RAP1A: variants seen among roughly 807,000 people sequenced by gnomAD.
RAP1A encodes ras-related protein Rap-1A.
A neutral mutation model predicts 26.4 loss-of-function variants in RAP1A; 6 were observed. That is an observed-to-expected ratio of 0.23 (90% CI 0.12 to 0.45). RAP1A has a LOEUF of 0.45. Among genes scored for constraint, RAP1A ranks in the 20% least tolerant of loss-of-function variants. The pLI is 0.99. For synonymous variants in RAP1A, 73 were observed against 79.4 expected, an observed-to-expected ratio of 0.92 and a Z score of 0.43; for missense variants, 121 against 217.2, an observed-to-expected ratio of 0.56 and a Z score of 2.78.
chr1:111,547,760 G>A (rs1657088664), intron 1 of RAP1A, among the ~76,000 whole-genome samples: 1 of 152,180 alleles, frequency 6.6e-6, no homozygotes, highest in Non-Finnish European at 1.5e-5. Flanking sequence ...TCACAAAATT[G>A]ACCTTGTTTG....
intron 1 of RAP1A, among the ~76,000 whole-genome samples, chr1:111,625,783 T>C (rs1330512435): frequency 6.6e-6 from 1 of 152,152 alleles, no homozygotes; most frequent in Non-Finnish European, 1.5e-5. Context: ...CTTCCTCTTC[T>C]TTTTTCTTTT....
chr1:111,595,692 G>T (rs1449574542), intron 1 of RAP1A, among the ~76,000 whole-genome samples: 1 of 152,210 alleles, frequency 6.6e-6, no homozygotes, highest in Non-Finnish European at 1.5e-5. Context: ...GGCAGCAAAA[G>T]CAGAGAGAGT....
intron 1 of RAP1A, among the ~76,000 whole-genome samples, chr1:111,664,428 C>T (rs1660741612): frequency 1.3e-5 from 2 of 149,804 alleles, no homozygotes; most frequent in African/African-American, 2.5e-5. Context: ...TGTACTAAGT[C>T]CTTTCCTCTC....
Position 111,686,038 on chromosome 1 carries a change from A to G in RAP1A, c.-27-5296A>G, listed in dbSNP as rs184498650. Reference sequence around the variant, plus strand: ...CTAACACAGGAACAGAAAACCAAACACCACATGTTCTCACTCATAAGTGGG... The same window carrying G: ...CTAACACAGGAACAGAAAACCAAACGCCACATGTTCTCACTCATAAGTGGG... On this transcript the variant is annotated intron_variant, in intron 1 of 7. Transcript: ENST00000369709. Among the ~76,000 whole-genome samples, 220 of 145,026 alleles carry G rather than the reference A, an allele frequency of 1.5e-3. 7 individuals are homozygous for G. In the East Asian group the frequency reaches 0.034, roughly 23 times the overall value.
At chr1:111,585,485 G>GAA (rs35379340) in intron 1 of RAP1A, among the ~76,000 whole-genome samples, 25 of 148,250 alleles carry the variant, frequency 1.7e-4, no homozygotes, top group Non-Finnish European at 2.7e-4. Flanking sequence ...CCTTCCAACA[G>GAA]AAAAAAAAAA....
chr1:111,644,166 A>G (rs549774824), intron 1 of RAP1A, among the ~76,000 whole-genome samples: 47 of 152,236 alleles, frequency 3.1e-4, no homozygotes, highest in Non-Finnish European at 5.6e-4. Flanking sequence ...GACATGTCCA[A>G]CTAACCGTTA....
chr1:111,654,898 G>A (rs931680049), intron 1 of RAP1A, among the ~76,000 whole-genome samples: 1 of 151,304 alleles, frequency 6.6e-6, no homozygotes, highest in African/African-American at 2.4e-5. Flanking sequence ...GGCTGAATGC[G>A]GTGGCTCACG....
At chr1:111,703,879 C>T (rs761871832) in intron 5 of RAP1A, among the ~76,000 whole-genome samples, 5 of 152,150 alleles carry the variant, frequency 3.3e-5, no homozygotes, top group Non-Finnish European at 5.9e-5. Flanking sequence ...TCACACATCA[C>T]AGTCTACCTC....
intron 1 of RAP1A, among the ~76,000 whole-genome samples, chr1:111,594,050 G>T (rs763481670): frequency 2.0e-5 from 3 of 152,156 alleles, no homozygotes; most frequent in Non-Finnish European, 4.4e-5. Context: ...GGATTTTTAA[G>T]CCTCCAGCAA....
At chr1:111,591,484 G>T (rs142631026) in intron 1 of RAP1A, among the ~76,000 whole-genome samples, 12 of 152,004 alleles carry the variant, frequency 7.9e-5, no homozygotes, top group Admixed American at 1.3e-4. Flanking sequence ...ATTTCTCTGC[G>T]TAAGTTTTGG....
chr1:111,581,286 A>T (rs1658252578), intron 1 of RAP1A, among the ~76,000 whole-genome samples: 1 of 152,172 alleles, frequency 6.6e-6, no homozygotes, highest in African/African-American at 2.4e-5. Context: ...AATAGTGGCT[A>T]AACATGAAGA....
At chr1:111,664,902 A>G (rs1199790759) in intron 1 of RAP1A, among the ~76,000 whole-genome samples, 3 of 152,216 alleles carry the variant, frequency 2.0e-5, no homozygotes, top group South Asian at 2.1e-4. Context: ...TGCCATTACT[A>G]TTGTTGTGTT....
At chr1:111,658,421 T>A (rs1660532814) in intron 1 of RAP1A, among the ~76,000 whole-genome samples, 1 of 152,196 alleles carries the variant, frequency 6.6e-6, no homozygotes, top group African/African-American at 2.4e-5. Context: ...CTTTATAAAC[T>A]TTTTGACTCC....
intron 1 of RAP1A, among the ~76,000 whole-genome samples, chr1:111,620,648 T>G (rs1004760146): frequency 6.6e-6 from 1 of 152,202 alleles, no homozygotes; most frequent in Non-Finnish European, 1.5e-5. Flanking sequence ...CCCGCCTTCT[T>G]TACCCTCATG....
At chr1:111,606,938 T>G (rs765029187) in intron 1 of RAP1A, among the ~76,000 whole-genome samples, 8 of 152,218 alleles carry the variant, frequency 5.3e-5, no homozygotes, top group Non-Finnish European at 1.0e-4. Context: ...TGTTTTTCTA[T>G]TTAATGATAT....
At chr1:111,635,905 G>A (rs1363070355) in intron 1 of RAP1A, among the ~76,000 whole-genome samples, 2 of 152,078 alleles carry the variant, frequency 1.3e-5, no homozygotes, top group Admixed American at 1.3e-4. Context: ...TGAGGTAAAA[G>A]ATCCCTAGGG....
intron 1 of RAP1A, among the ~76,000 whole-genome samples, chr1:111,659,974 G>A (rs557306183): frequency 6.6e-6 from 1 of 152,272 alleles, no homozygotes; most frequent in African/African-American, 2.4e-5. Context: ...CCTTGTTGCT[G>A]TTATTTTGAA....
chr1:111,692,491 C>T (rs1020051526), intron 2 of RAP1A, among the ~76,000 whole-genome samples: 4 of 152,148 alleles, frequency 2.6e-5, no homozygotes, highest in Non-Finnish European at 5.9e-5. Context: ...ACTTTCAATT[C>T]AGCGATTCCC....
intron 2 of RAP1A, among the ~76,000 whole-genome samples, chr1:111,693,096 G>A (rs1452784055): frequency 1.3e-5 from 2 of 152,202 alleles, no homozygotes; most frequent in African/African-American, 2.4e-5. Context: ...AAGTAGATAG[G>A]ATTGGAGGAT....
Sources: allele counts gnomAD v4.1 joint callset (sites outside exome capture counted in the v4.1 genomes callset), GRCh38; gene constraint gnomAD v4.1.1; transcripts MANE v1.5; gene names NCBI Gene and HGNC (gene_info 2026-07-23, HGNC 2026-07-21).